The following CCSER1 variants were observed in gnomAD, a reference collection of about 807,000 sequenced individuals.
CCSER1 encodes coiled-coil serine rich protein 1.
CCSER1 carries 41 observed loss-of-function variants against 82.0 expected under a neutral mutation model. The observed-to-expected ratio is 0.50, with a 90% CI of 0.39 to 0.65. CCSER1 has a LOEUF of 0.65. Ranked by LOEUF, CCSER1 falls within the 30% of genes least tolerant of loss-of-function variation. The pLI, the probability that CCSER1 is intolerant of heterozygous loss-of-function variation, is 0.00. For synonymous variants in CCSER1, 414 were observed against 383.9 expected, an observed-to-expected ratio of 1.08 and a Z score of -0.92; for missense variants, 1,119 against 1,064.2, an observed-to-expected ratio of 1.05 and a Z score of -0.72.
intron 10 of CCSER1, among the ~76,000 whole-genome samples, chr4:91,217,703 A>G (rs555063124): frequency 8.8e-4 from 134 of 152,248 alleles, no homozygotes; most frequent in South Asian, 2.7e-3. Context: ...CTAGATACAG[A>G]GTGCCGATTG....
chr4:90,872,774 C>G (rs1303269990), intron 8 of CCSER1, among the ~76,000 whole-genome samples: 1 of 151,928 alleles, frequency 6.6e-6, no homozygotes, highest in Non-Finnish European at 1.5e-5. Context: ...TTGAAGAACT[C>G]TATTTAGCAT....
intron 10 of CCSER1, among the ~76,000 whole-genome samples, chr4:91,394,615 A>G (rs1374589372): frequency 2.0e-5 from 3 of 152,082 alleles, no homozygotes; most frequent in African/African-American, 7.2e-5. Context: ...TTAGAAAACT[A>G]TATTCCTTTT....
At chr4:91,346,896 T>C (rs879388131) in intron 10 of CCSER1, among the ~76,000 whole-genome samples, 2 of 152,204 alleles carry the variant, frequency 1.3e-5, no homozygotes, top group Admixed American at 1.3e-4. Context: ...TTATCAGATA[T>C]GTGCTTTGAA....
chr4:90,581,435 G>A (rs1465392244), intron 5 of CCSER1, among the ~76,000 whole-genome samples: 1 of 152,108 alleles, frequency 6.6e-6, no homozygotes, highest in Non-Finnish European at 1.5e-5. Flanking sequence ...CGGAAAGGAA[G>A]GAAGACTTGG....
intron 10 of CCSER1, among the ~76,000 whole-genome samples, chr4:91,354,860 T>C (rs961549749): frequency 6.6e-6 from 1 of 152,248 alleles, no homozygotes. Flanking sequence ...TGGTTTTTCC[T>C]AGAGTCTCTG....
chr4:90,791,778 C>T (rs1302239953), intron 7 of CCSER1, among the ~76,000 whole-genome samples: 15 of 150,630 alleles, frequency 1.0e-4, no homozygotes, highest in South Asian at 2.1e-4. Context: ...GCCGAGATCG[C>T]GCCACTGCAC....
At chr4:90,551,511 T>C (rs1777472802) in intron 5 of CCSER1, among the ~76,000 whole-genome samples, 1 of 151,836 alleles carries the variant, frequency 6.6e-6, no homozygotes, top group Non-Finnish European at 1.5e-5. Flanking sequence ...GCATTTTTCA[T>C]GTCTCAATTG....
At chr4:91,574,408 A>G (rs1411234449) in intron 10 of CCSER1, among the ~76,000 whole-genome samples, 2 of 152,148 alleles carry the variant, frequency 1.3e-5, no homozygotes, top group African/African-American at 4.8e-5. Flanking sequence ...ATGTATCTAA[A>G]AAGAAAATCA....
At chr4:90,971,613 G>A (rs1033865172) in intron 9 of CCSER1, among the ~76,000 whole-genome samples, 14 of 151,916 alleles carry the variant, frequency 9.2e-5, no homozygotes, top group South Asian at 2.1e-4. Context: ...TACTTTTCAA[G>A]CTCCTCCAAA....
intron 9 of CCSER1, chr4:90,951,046 C>A (rs992534889): frequency 3.9e-5 from 6 of 152,048 alleles, no homozygotes; most frequent in African/African-American, 7.2e-5. Flanking sequence ...TTTTACTTAG[C>A]ATTGGTAGAG....
At chr4:91,596,302 G>C (rs1017420102) in intron 10 of CCSER1, among the ~76,000 whole-genome samples, 3 of 151,966 alleles carry the variant, frequency 2.0e-5, no homozygotes, top group African/African-American at 7.2e-5. Flanking sequence ...TGGAAATGAA[G>C]TCTACTCCTA....
chr4:90,469,719 T>G (rs1027933863), intron 5 of CCSER1, among the ~76,000 whole-genome samples: 11 of 152,112 alleles, frequency 7.2e-5, no homozygotes, highest in Non-Finnish European at 1.3e-4. Flanking sequence ...ATGGGTGACT[T>G]ATGGTTATAT....
chr4:91,135,588 C>T (rs1049732275), intron 10 of CCSER1, among the ~76,000 whole-genome samples: 5 of 152,076 alleles, frequency 3.3e-5, no homozygotes, highest in East Asian at 3.8e-4. Flanking sequence ...AGGGGTGGTA[C>T]GAACTTATCT....
intron 8 of CCSER1, among the ~76,000 whole-genome samples, chr4:90,915,537 GACAAACTC>G (rs1727222483): frequency 1.3e-5 from 2 of 152,136 alleles, no homozygotes; most frequent in East Asian, 3.9e-4. Context: ...AGCTATCTAT[GACAAACTC>G]ACAGCCAATA....
intron 5 of CCSER1, among the ~76,000 whole-genome samples, chr4:90,570,599 G>T (rs1000237861): frequency 2.0e-5 from 3 of 152,118 alleles, no homozygotes; most frequent in African/African-American, 7.2e-5. Flanking sequence ...CTAAGAGAGG[G>T]GGTGAATGCA....
chr4:90,959,753 T>TTTC (rs397687383), intron 9 of CCSER1, among the ~76,000 whole-genome samples: 1 of 150,422 alleles, frequency 6.6e-6, no homozygotes, highest in Non-Finnish European at 1.5e-5. Flanking sequence ...TTTTTTTTTT[T>TTTC]CGTTTGTTTT....
At chr4:91,241,438 G>T (rs1316084359) in intron 10 of CCSER1, among the ~76,000 whole-genome samples, 1 of 142,544 alleles carries the variant, frequency 7.0e-6, no homozygotes, top group Non-Finnish European at 1.5e-5. Context: ...CCATTCTCTT[G>T]CCTCAGCCTC....
chr4:91,182,870 C>T lies in CCSER1; in HGVS notation c.2217+96876C>T, dbSNP rs146891639. ...AGGTTCCAGTCCTCGAGGATTAACT[C>T]CTCCTGTAAAAGATGAGGCATGTAC... On this transcript the variant is annotated intron_variant, in intron 10 of 10. Coordinates refer to ENST00000509176, the MANE Select transcript of CCSER1 (RefSeq NM_001145065.2). Among the ~76,000 whole-genome samples the T allele has an allele frequency of 4.9e-3, 741 of 152,288 alleles. 6 individuals carry two copies. Among genetic ancestry groups the T allele is most frequent in the African/African-American group, 0.017 (698 of 41,558 alleles).
intron 9 of CCSER1, among the ~76,000 whole-genome samples, chr4:90,956,944 C>CTTTTT (rs35180536): frequency 7.7e-6 from 1 of 129,342 alleles, no homozygotes; most frequent in African/African-American, 2.9e-5. Context: ...CACAACCAGC[C>CTTTTT]TTTTTTTTTT....
Sources: gnomAD v4.1 joint callset for allele counts (sites outside exome capture counted in the v4.1 genomes callset) on GRCh38, gnomAD v4.1.1 for gene constraint, MANE v1.5 for transcripts, NCBI Gene and HGNC (gene_info 2026-07-23, HGNC 2026-07-21) for gene names.